Variants in MAMDC2 observed in about 807,000 individuals in gnomAD.
The protein encoded by MAMDC2 is MAM domain containing 2.
A neutral mutation model predicts 89.8 loss-of-function variants in MAMDC2; 57 were observed. That is an observed-to-expected ratio of 0.63 (90% CI 0.51 to 0.79). The LOEUF (loss-of-function observed/expected upper bound fraction) is 0.79. Ranked by LOEUF, MAMDC2 falls within the 30% of genes least tolerant of loss-of-function variation. MAMDC2 has a pLI of 0.00. For missense variants in MAMDC2, 800 were observed against 820.6 expected, an observed-to-expected ratio of 0.97 and a Z score of 0.31; for synonymous variants, 313 against 293.4, an observed-to-expected ratio of 1.07 and a Z score of -0.68.
chr9:70,166,592 C>T (rs10780870), intron 9 of MAMDC2, among the ~76,000 whole-genome samples: 130,353 of 152,140 alleles, frequency 0.86, 56,082 homozygotes, highest in East Asian at 0.96. Flanking sequence ...GGCCAGTTTC[C>T]TAGATAATTG....
chr9:70,099,534 G>T (rs2997694), intron 2 of MAMDC2, among the ~76,000 whole-genome samples: 1 of 151,960 alleles, frequency 6.6e-6, no homozygotes, highest in Non-Finnish European at 1.5e-5. Flanking sequence ...TATTGTCCAG[G>T]CTGCTTTGAT....
intron 5 of MAMDC2, among the ~76,000 whole-genome samples, chr9:70,116,893 T>C (rs2030026503): frequency 6.6e-6 from 1 of 152,038 alleles, no homozygotes; most frequent in Non-Finnish European, 1.5e-5. Context: ...TCCCCTCCCA[T>C]CTCCCTCTCT....
At chr9:70,066,485 T>C (rs753852413) in intron 2 of MAMDC2, among the ~76,000 whole-genome samples, 1 of 151,876 alleles carries the variant, frequency 6.6e-6, no homozygotes, top group Non-Finnish European at 1.5e-5. Context: ...CGCAGGCTGG[T>C]GTAGGTAGTA....
intron 5 of MAMDC2, among the ~76,000 whole-genome samples, chr9:70,122,216 G>A (rs1362625444): frequency 1.3e-5 from 2 of 152,206 alleles, no homozygotes; most frequent in African/African-American, 4.8e-5. Context: ...AGTGTCAGCA[G>A]TCTTGGTCTT....
chr9:70,082,998 T>C (rs1251221389), intron 2 of MAMDC2: 1 of 152,184 alleles, frequency 6.6e-6, no homozygotes, highest in Non-Finnish European at 1.5e-5. Context: ...ATGGAAATAT[T>C]CTAGAAGACA....
chr9:70,219,129 C>A (rs2033506967), intron 12 of MAMDC2, among the ~76,000 whole-genome samples: 1 of 152,130 alleles, frequency 6.6e-6, no homozygotes, highest in South Asian at 2.1e-4. Flanking sequence ...CCCAGGTCCT[C>A]TCATGTGCTA....
chr9:70,087,655 G>A (rs968004116), intron 2 of MAMDC2: 1 of 152,142 alleles, frequency 6.6e-6, no homozygotes, highest in Non-Finnish European at 1.5e-5. Flanking sequence ...AAGGGTCAGA[G>A]TCAGCCCCAT....
intron 11 of MAMDC2, among the ~76,000 whole-genome samples, chr9:70,214,874 C>T (rs1310433903): frequency 1.3e-5 from 2 of 152,172 alleles, no homozygotes; most frequent in African/African-American, 4.8e-5. Flanking sequence ...GATATTTAGT[C>T]TACTTCAGGC....
chr9:70,102,218 A>G (rs1828215636), intron 2 of MAMDC2, among the ~76,000 whole-genome samples: 1 of 152,194 alleles, frequency 6.6e-6, no homozygotes, highest in Admixed American at 6.5e-5. Context: ...TTTTGAAAAT[A>G]AAGAAGCCAG....
chr9:70,200,820 A>G (rs1183427206), intron 11 of MAMDC2, among the ~76,000 whole-genome samples: 1 of 150,510 alleles, frequency 6.6e-6, no homozygotes, highest in Non-Finnish European at 1.5e-5. Context: ...AGCAATTGTG[A>G]ATGGGAGTTC....
intron 11 of MAMDC2, among the ~76,000 whole-genome samples, chr9:70,216,698 T>C (rs182661532): frequency 7.2e-5 from 11 of 152,338 alleles, no homozygotes; most frequent in Non-Finnish European, 4.4e-5. Context: ...AAACTTTTCA[T>C]CAAGTGATCA....
intron 5 of MAMDC2, among the ~76,000 whole-genome samples, chr9:70,121,616 C>T (rs1029193516): frequency 5.3e-5 from 8 of 151,950 alleles, no homozygotes; most frequent in Non-Finnish European, 1.0e-4. Flanking sequence ...TCTCTGTGGC[C>T]TGCAGGGTAT....
intron 2 of MAMDC2, among the ~76,000 whole-genome samples, chr9:70,077,847 G>A (rs2118113851): frequency 6.6e-6 from 1 of 152,258 alleles, no homozygotes; most frequent in East Asian, 1.9e-4. Flanking sequence ...AACAAAGCAG[G>A]GATTCAGTCC....
At chr9:70,163,000 T>C (rs573443012) in intron 9 of MAMDC2, among the ~76,000 whole-genome samples, 1 of 152,198 alleles carries the variant, frequency 6.6e-6, no homozygotes, top group South Asian at 2.1e-4. Context: ...TGCCTGTCAT[T>C]ATGTTGTTTC....
intron 2 of MAMDC2, among the ~76,000 whole-genome samples, chr9:70,100,707 A>T (rs1828166595): frequency 6.6e-6 from 1 of 152,224 alleles, no homozygotes; most frequent in South Asian, 2.1e-4. Flanking sequence ...ATGGCTAGCC[A>T]GGATGGGCCC....
chr9:70,110,491 G>T (rs1459733504), intron 4 of MAMDC2, among the ~76,000 whole-genome samples: 2 of 152,206 alleles, frequency 1.3e-5, no homozygotes, highest in Non-Finnish European at 2.9e-5. Flanking sequence ...TTAGTTAAGT[G>T]GAGGTGCAGG....
chr9:70,132,802 G>A (rs2030861129), intron 7 of MAMDC2, among the ~76,000 whole-genome samples: 2 of 152,116 alleles, frequency 1.3e-5, no homozygotes, highest in East Asian at 1.9e-4. Context: ...GGCATTACAG[G>A]TGTGAGCCAC....
chr9:70,084,059 C>A lies in MAMDC2; in HGVS notation c.149-24152C>A, dbSNP rs186280066. The stretch of plus-strand genomic sequence containing the variant: ...TACAAAGAAACCCAACTAAGTATCA[C>A]CTATGTGTTTTCTAATGTATCAACT... On this transcript the variant is annotated intron_variant, in intron 2 of 13. Transcript: ENST00000377182. 2.6e-5 allele frequency among the ~76,000 whole-genome samples: 4 copies of A among 152,028 alleles called. No individual in the cohort carries two copies. In the East Asian group the frequency reaches 7.7e-4, roughly 29 times the overall value.
chr9:70,109,780 A>G lies in MAMDC2; in HGVS notation c.481A>G (p.Lys161Glu). 1 of 1,614,008 alleles carries G rather than the reference A, an allele frequency of 6.2e-7. No individual in the cohort carries two copies. The highest frequency in any genetic ancestry group is 8.5e-7 in the Non-Finnish European group (1 of 1,179,834). ...NTASIALFEI[K>E]MTTGYCIECD... is the part of the protein sequence containing the mutation. The stretch of plus-strand genomic sequence containing the variant: ...AGCCAGCATCGCACTATTTGAAATC[A>G]AGATGACAACCGGCTACTGTATTGG... Residue 161 changes from lysine to glutamate, a missense_variant, in exon 4 of 14, where the codon AAG (lysine) becomes GAG (glutamate). By Grantham distance (56) the Lys-to-Glu change is moderately conservative (BLOSUM62 1). Coordinates refer to ENST00000377182, the MANE Select transcript of MAMDC2 (RefSeq NM_153267.5).
Sources: allele counts gnomAD v4.1 joint callset (sites outside exome capture counted in the v4.1 genomes callset), GRCh38; gene constraint gnomAD v4.1.1; transcripts MANE v1.5; gene names NCBI Gene and HGNC (gene_info 2026-07-23, HGNC 2026-07-21).